ZNF609: variants seen among roughly 807,000 people sequenced by gnomAD.
ZNF609 encodes the protein zinc finger protein 609.
A neutral mutation model predicts 109.5 loss-of-function variants in ZNF609; 11 were observed. That is an observed-to-expected ratio of 0.10 (90% CI 0.06 to 0.17). The LOEUF (loss-of-function observed/expected upper bound fraction) is 0.17. Among genes scored for constraint, ZNF609 ranks in the 10% least tolerant of loss-of-function variants. ZNF609 has a pLI of 1.00. For missense variants in ZNF609, 1,559 were observed against 1,772.4 expected, an observed-to-expected ratio of 0.88 and a Z score of 2.16; for synonymous variants, 646 against 662.0, an observed-to-expected ratio of 0.98 and a Z score of 0.37.
chr15:64,575,518 A>C (rs1894936814), intron 2 of ZNF609, among the ~76,000 whole-genome samples: 1 of 152,150 alleles, frequency 6.6e-6, no homozygotes. Context: ...AATCTTTTGG[A>C]CACAGGATGG....
At chr15:64,596,890 C>T (rs1036455173) in intron 2 of ZNF609, among the ~76,000 whole-genome samples, 1 of 152,146 alleles carries the variant, frequency 6.6e-6, no homozygotes, top group African/African-American at 2.4e-5. Context: ...ACTGAAAATA[C>T]GGCACAAATC....
chr15:64,638,326 A>G (rs1368843269), intron 3 of ZNF609, among the ~76,000 whole-genome samples: 3 of 151,692 alleles, frequency 2.0e-5, no homozygotes, highest in African/African-American at 7.3e-5. Context: ...CTTGTTATCT[A>G]GTAGTATAAG....
rs560884146 is a variant in ZNF609, at chr15:64,589,906, A to G, written c.748-32921A>G. On this transcript the variant is annotated intron_variant, in intron 2 of 9. Coordinates refer to ENST00000326648, the MANE Select transcript of ZNF609 (RefSeq NM_015042.2). The stretch of plus-strand genomic sequence containing the variant: ...TTTTGGAAAGCTCTTGATAGTATTC[A>G]CAGATAAGCGATAGTGAAAATTGAG... Among the ~76,000 whole-genome samples the G allele has an allele frequency of 3.4e-3, 521 of 152,360 alleles. 4 individuals carry two copies. The highest frequency in any genetic ancestry group is 0.011 in the African/African-American group (476 of 41,586).
Position 64,469,427 on chromosome 15 carries a change from CA to C in ZNF609, c.-128+8614del, listed in dbSNP as rs34210041. ...CTCGCACAGAGCAAGACCCTATTTC[CA>C]AAAAAAAAAAAAAAAAAAAAAAAAG... On this transcript the variant is annotated intron_variant, in intron 1 of 9. Transcript: ENST00000326648. Among the ~76,000 whole-genome samples the C allele has an allele frequency of 5.5e-3, 407 of 73,468 alleles. 2 individuals are homozygous for C. Among genetic ancestry groups the C allele is most frequent in the African/African-American group, 0.019 (352 of 18,706 alleles). The allele number at this position is 73,468 out of a possible 152,430, so 48.2% of individuals were successfully genotyped here.
chr15:64,595,907 C>A (rs1895389075), intron 2 of ZNF609, among the ~76,000 whole-genome samples: 1 of 152,056 alleles, frequency 6.6e-6, no homozygotes, highest in African/African-American at 2.4e-5. Flanking sequence ...GAAAACTGAC[C>A]CCACCATCAT....
chr15:64,650,123 A>G (rs1896392737), intron 3 of ZNF609, among the ~76,000 whole-genome samples: 1 of 151,612 alleles, frequency 6.6e-6, no homozygotes, highest in African/African-American at 2.4e-5. Flanking sequence ...CAAAAAAAAA[A>G]AAAAAAAGTG....
rs139176577 is a variant in ZNF609, at chr15:64,554,455, A to G, written c.747+54289A>G. 2.4e-3 allele frequency among the ~76,000 whole-genome samples: 367 copies of G among 152,250 alleles called. 2 individuals are homozygous for G. The highest frequency in any genetic ancestry group is 8.5e-3 in the African/African-American group (353 of 41,536). On this transcript the variant is annotated intron_variant, in intron 2 of 9. Coordinates refer to ENST00000326648, the MANE Select transcript of ZNF609 (RefSeq NM_015042.2). ...CAGGAGTTCAAGACCAGCCTGGACA[A>G]CAAGACAAAACCCCATCTCTACAAA...
Position 64,562,872 on chromosome 15 carries a change from AGT to A in ZNF609, c.748-59918_748-59917del, listed in dbSNP as rs6145601. ...GAGAGAGGAAAAGAGGGTAAGCGTGAGTGTGTGTGTGTGTGTGTGTGTGTGTG... is the reference window on the plus strand; with the variant it reads ...GAGAGAGGAAAAGAGGGTAAGCGTGAGTGTGTGTGTGTGTGTGTGTGTGTG... On this transcript the variant is annotated intron_variant, in intron 2 of 9. Coordinates refer to ENST00000326648, the MANE Select transcript of ZNF609 (RefSeq NM_015042.2). Among the ~76,000 whole-genome samples, 377 of 149,072 alleles carry A rather than the reference AGT, an allele frequency of 2.5e-3. 3 individuals carry two copies. The highest frequency in any genetic ancestry group is 7.5e-3 in the African/African-American group (306 of 40,778).
At chr15:64,654,817 C>T (rs900909813) in intron 3 of ZNF609, among the ~76,000 whole-genome samples, 3 of 152,164 alleles carry the variant, frequency 2.0e-5, no homozygotes, top group African/African-American at 7.2e-5. Context: ...GCCAAGTGGG[C>T]CGGGCACGGT....
chr15:64,475,039 T>C (rs1182996410), intron 1 of ZNF609, among the ~76,000 whole-genome samples: 1 of 150,578 alleles, frequency 6.6e-6, no homozygotes, highest in Non-Finnish European at 1.5e-5. Context: ...AGTGACCTCC[T>C]ACCTCAGCCT....
chr15:64,609,086 T>TTC (rs1250928212), intron 2 of ZNF609, among the ~76,000 whole-genome samples: 1 of 33,434 alleles, frequency 3.0e-5, no homozygotes, highest in East Asian at 1.6e-3. Context: ...CTTTCTTTCT[T>TTC]TCTTTCTTTC....
At chr15:64,537,518 AAAAG>A (rs376378778) in intron 2 of ZNF609, among the ~76,000 whole-genome samples, 5 of 151,796 alleles carry the variant, frequency 3.3e-5, no homozygotes, top group Admixed American at 2.6e-4. Flanking sequence ...AAAAAAAAGA[AAAAG>A]AAAAAAAAGA....
intron 1 of ZNF609, among the ~76,000 whole-genome samples, chr15:64,485,017 G>A (rs1182371206): frequency 7.9e-5 from 12 of 152,204 alleles, no homozygotes; most frequent in South Asian, 2.1e-4. Context: ...GATATTCCTC[G>A]CAAAATTAAC....
chr15:64,624,618 C>T, intron 3 of ZNF609, among the ~76,000 whole-genome samples: 1 of 151,958 alleles, frequency 6.6e-6, no homozygotes, highest in Non-Finnish European at 1.5e-5. Flanking sequence ...ACAATGAATA[C>T]CTTTTTATCT....
chr15:64,629,700 C>A (rs1210179075), intron 3 of ZNF609, among the ~76,000 whole-genome samples: 2 of 152,136 alleles, frequency 1.3e-5, no homozygotes. Flanking sequence ...AGAAATTTAG[C>A]CTTTTAGCTG....
chr15:64,578,143 T>G (rs1895032830), intron 2 of ZNF609, among the ~76,000 whole-genome samples: 1 of 152,042 alleles, frequency 6.6e-6, no homozygotes, highest in Non-Finnish European at 1.5e-5. Flanking sequence ...TAAGATTTAT[T>G]TATTTATTTT....
At chr15:64,581,976 C>T (rs1052121692) in intron 2 of ZNF609, among the ~76,000 whole-genome samples, 2 of 152,140 alleles carry the variant, frequency 1.3e-5, no homozygotes, top group African/African-American at 4.8e-5. Flanking sequence ...CTCTCCAACA[C>T]TATTCCTGGC....
rs747125657 is a variant in ZNF609 at position 64,680,729 on chromosome 15, A to T, written c.4029A>T (p.Gly1343=). The T allele has an allele frequency of 7.4e-6, 12 of 1,612,156 alleles. No individual in the cohort carries two copies. The Admixed American group carries it at 1.7e-4, about 22-fold the overall frequency. The change falls in exon 8 of 10, where the codon GGA becomes GGT. Residue 1343 remains glycine, a synonymous_variant. Transcript: ENST00000326648. ...GTGGCAGCTGTAGCAGCGTCGGGGG[A>T]GCAAGTGGGGGTGAACGGAGTGTTG... ...GGGGSCSSVG[G]ASGGERSVDR...
chr15:64,628,753 G>A (rs1896016114), intron 3 of ZNF609, among the ~76,000 whole-genome samples: 1 of 152,062 alleles, frequency 6.6e-6, no homozygotes, highest in African/African-American at 2.4e-5. Flanking sequence ...AGCCTCCCAA[G>A]TAGCTGGGAT....
Sources: gnomAD v4.1 joint callset for allele counts (sites outside exome capture counted in the v4.1 genomes callset) on GRCh38, gnomAD v4.1.1 for gene constraint, MANE v1.5 for transcripts, NCBI Gene and HGNC (gene_info 2026-07-23, HGNC 2026-07-21) for gene names.